SLC68A1: variants seen among roughly 807,000 people sequenced by gnomAD.
SLC68A1 encodes the protein solute carrier family 68 member 1, also known as major facilitator superfamily domain containing 13A.
At chr10:102,471,195 A>G in the SLC68A1 span, 59 of 1,599,172 alleles carry the variant, frequency 3.7e-5, no homozygotes, top group Non-Finnish European at 4.9e-5. Flanking sequence ...TCCCCGGCTG[A>G]TGGGGGCTGC....
At chr10:102,476,669 A>C in the SLC68A1 span, 3 of 986,232 alleles carry the variant, frequency 3.0e-6, no homozygotes, top group Non-Finnish European at 3.6e-6. Flanking sequence ...ATATGTGCTC[A>C]GGGACGTGCT....
At chr10:102,472,750 C>A in the SLC68A1 span, 1 of 853,204 alleles carries the variant, frequency 1.2e-6, no homozygotes, top group Non-Finnish European at 2.0e-6. Flanking sequence ...TCTTGCTGCT[C>A]TGAGGATGGG....
At chr10:102,473,287 C>T in the SLC68A1 span, among the ~76,000 whole-genome samples, 1 of 152,102 alleles carries the variant, frequency 6.6e-6, no homozygotes, top group South Asian at 2.1e-4. Flanking sequence ...AGAGGAATAT[C>T]ATCTGATGGG....
At chr10:102,468,866 G>T in the SLC68A1 span, 3 of 606,618 alleles carry the variant, frequency 4.9e-6, no homozygotes, top group Non-Finnish European at 8.7e-6. Context: ...CTCTCCTGTT[G>T]GAAATGAGTT....
the SLC68A1 span, among the ~76,000 whole-genome samples, chr10:102,473,386 A>G: frequency 6.6e-6 from 1 of 152,076 alleles, no homozygotes; most frequent in Non-Finnish European, 1.5e-5. Context: ...TCTCATCCGT[A>G]AAGTGGGGAT....
At chr10:102,468,675 A>AC in the SLC68A1 span, 1 of 194,370 alleles carries the variant, frequency 5.1e-6, no homozygotes, top group Admixed American at 5.5e-5. Context: ...TCAAAAAAAA[A>AC]AAAAAGACAT....
chr10:102,462,615 T>C, the SLC68A1 span, among the ~76,000 whole-genome samples: 1 of 152,162 alleles, frequency 6.6e-6, no homozygotes, highest in Non-Finnish European at 1.5e-5. Context: ...ACCAGGGGCC[T>C]GGTAGGGTGA....
the SLC68A1 span, among the ~76,000 whole-genome samples, chr10:102,471,585 C>T: frequency 6.6e-6 from 1 of 151,960 alleles, no homozygotes; most frequent in African/African-American, 2.4e-5. Flanking sequence ...CATGGCGAAA[C>T]CCCATAAAAA....
chr10:102,473,439 A>T, the SLC68A1 span: 1 of 923,686 alleles, frequency 1.1e-6, no homozygotes, highest in Non-Finnish European at 1.6e-6. Flanking sequence ...ATGAACTAAG[A>T]CAGTGAAGCT....
the SLC68A1 span, chr10:102,475,878 T>G: frequency 6.2e-7 from 1 of 1,613,934 alleles, no homozygotes; most frequent in Non-Finnish European, 8.5e-7. Flanking sequence ...CTGCTGCAGC[T>G]CTTCACCTGG....
the SLC68A1 span, chr10:102,475,881 T>G: frequency 6.2e-7 from 1 of 1,613,918 alleles, no homozygotes. Flanking sequence ...CTGCAGCTCT[T>G]CACCTGGTCC....
the SLC68A1 span, chr10:102,469,278 C>A: frequency 6.9e-7 from 1 of 1,444,146 alleles, no homozygotes; most frequent in Non-Finnish European, 9.6e-7. Flanking sequence ...GGGCAGATTG[C>A]AGGTGCCTGG....
chr10:102,470,744 C>T, the SLC68A1 span: 6 of 1,613,870 alleles, frequency 3.7e-6, no homozygotes, highest in African/African-American at 1.3e-5. Flanking sequence ...GCTGCTGGCG[C>T]TGTCGTTCCT....
chr10:102,471,293 T>G, the SLC68A1 span: 1 of 1,613,820 alleles, frequency 6.2e-7, no homozygotes, highest in East Asian at 2.2e-5. Flanking sequence ...GAGGAGCTGC[T>G]TGTAGGCAGT....
the SLC68A1 span, chr10:102,473,823 C>T: frequency 3.4e-5 from 54 of 1,609,456 alleles, no homozygotes; most frequent in African/African-American, 5.6e-4. Context: ...CTGCAGCAAC[C>T]GCGTCTTCAC....
chr10:102,476,617 C>G, the SLC68A1 span: 1 of 986,054 alleles, frequency 1.0e-6, no homozygotes. Flanking sequence ...CAGTGAAAGT[C>G]TCTGCTTACC....
the SLC68A1 span, chr10:102,476,027 C>A: frequency 7.7e-7 from 1 of 1,291,066 alleles, no homozygotes; most frequent in Non-Finnish European, 1.0e-6. Flanking sequence ...TGCTGGCAGC[C>A]TGGGGAAGGA....
At chr10:102,470,923 C>G in the SLC68A1 span, 1 of 1,613,174 alleles carries the variant, frequency 6.2e-7, no homozygotes, top group Non-Finnish European at 8.5e-7. Context: ...CCCTCTTCAG[C>G]GCGGCCGGCT....
the SLC68A1 span, among the ~76,000 whole-genome samples, chr10:102,474,643 T>G: frequency 6.6e-6 from 1 of 151,962 alleles, no homozygotes; most frequent in Non-Finnish European, 1.5e-5. Flanking sequence ...GGTTTTATTT[T>G]TATTTATTTA....
Sources: gnomAD v4.1 joint callset for allele counts (sites outside exome capture counted in the v4.1 genomes callset) on GRCh38, gnomAD v4.1.1 for gene constraint, MANE v1.5 for transcripts, NCBI Gene and HGNC (gene_info 2026-07-23, HGNC 2026-07-21) for gene names.